Variants in DEPDC5 observed in about 807,000 individuals in gnomAD.
DEPDC5 encodes DEP domain containing 5, GATOR1 subcomplex subunit.
In DEPDC5, 73 loss-of-function variants were observed where a neutral mutation model predicts 217.3. The observed-to-expected ratio is 0.34, with a 90% CI of 0.28 to 0.41. The LOEUF is 0.41. Ranked by LOEUF, DEPDC5 falls within the 10% of genes least tolerant of loss-of-function variation. The probability of loss-of-function intolerance (pLI) is 1.00; values close to 1 mark genes in which losing one functional copy is unlikely to be tolerated. For synonymous variants in DEPDC5, 733 were observed against 756.7 expected (o/e 0.97, Z 0.51); for missense variants, 1,675 against 2,070.1 (o/e 0.81, Z 3.70).
intron 9 of DEPDC5, 75 bp downstream of exon 9, chr22:31,784,060 C>T: frequency 8.7e-7 from 1 of 1,153,844 alleles, no homozygotes; most frequent in Non-Finnish European, 1.3e-6. Flanking sequence ...TTCATGAATG[C>T]CCAGGGTCCC....
At chr22:31,887,216 C>T (rs1450633796) in intron 38 of DEPDC5, among the ~76,000 whole-genome samples, 1 of 150,104 alleles carries the variant, frequency 6.7e-6, no homozygotes, top group Admixed American at 6.6e-5. Flanking sequence ...GTCAGGATTT[C>T]GAGACCAGCC....
At chr22:31,870,821 T>C in intron 34 of DEPDC5, 77 bp downstream of exon 34, 1 of 1,409,306 alleles carries the variant, frequency 7.1e-7, no homozygotes, top group Non-Finnish European at 9.3e-7. Flanking sequence ...GAGGCTGAAG[T>C]CCAAAGCTCT....
intron 34 of DEPDC5, among the ~76,000 whole-genome samples, chr22:31,871,894 C>A (rs938205885): frequency 6.6e-6 from 1 of 152,176 alleles, no homozygotes; most frequent in Non-Finnish European, 1.5e-5. Context: ...AGTTCTTTGC[C>A]ATTGAAGATG....
chr22:31,876,462 T>G (rs2092994572), intron 37 of DEPDC5, among the ~76,000 whole-genome samples, 197 bp downstream of exon 37: 1 of 152,218 alleles, frequency 6.6e-6, no homozygotes, highest in Non-Finnish European at 1.5e-5. Context: ...TACAGTGTGT[T>G]CTTGGTGAGA....
Position 31,792,085 on chromosome 22 carries a change from A to G in DEPDC5, c.677A>G (p.Tyr226Cys), listed in dbSNP as rs769626907. Residue 226 changes from tyrosine to cysteine, a missense_variant, in exon 11 of 43, where the codon TAT becomes TGT. Tyr to Cys is a radical substitution (Grantham distance 194). Around this residue, in one of 11 missense-constraint regions of DEPDC5, gnomAD observed 628 missense variants for 762.1 expected, o/e 0.82. Transcript: ENST00000651528. ...GTGGTCCTGTTTTCTAGAACTTTCT[A>G]TGATGCAAAATCTGTTGGTGAGTAA... is the stretch of plus-strand genomic sequence containing the variant. ...VTVVLFSRTF[Y>C]DAKSVDEFPE... 1.9e-6 allele frequency: 3 copies of G among 1,612,040 alleles called. No homozygotes were observed. Among genetic ancestry groups the G allele is most frequent in the South Asian group, 1.1e-5 (1 of 91,038 alleles).
intron 31 of DEPDC5, among the ~76,000 whole-genome samples, chr22:31,850,328 A>G (rs1402897135): frequency 1.3e-5 from 2 of 152,128 alleles, no homozygotes; most frequent in Non-Finnish European, 2.9e-5. Context: ...CAGTTACCCA[A>G]GGTCAACTGT....
At chr22:31,872,287 T>C (rs1231383160) in intron 34 of DEPDC5, among the ~76,000 whole-genome samples, 1 of 152,242 alleles carries the variant, frequency 6.6e-6, no homozygotes, top group Non-Finnish European at 1.5e-5. Flanking sequence ...CTGGTACTTC[T>C]GGCTCTTTGA....
intron 29 of DEPDC5, chr22:31,844,702 CTTTTTTTTTTTTTTTT>C (rs136860): frequency 7.7e-6 from 1 of 130,418 alleles, no homozygotes; most frequent in South Asian, 8.1e-5. Flanking sequence ...CTTCAGAGCT[CTTTTTTTTTTTTTTTT>C]TTTTTTTTTT....
chr22:31,821,774 T>G (rs2148823387), intron 23 of DEPDC5, 137 bp downstream of exon 23: 1 of 1,259,652 alleles, frequency 7.9e-7, no homozygotes, highest in East Asian at 2.4e-5. Flanking sequence ...CCTTCCTTTG[T>G]TGGCCAGTGG....
intron 40 of DEPDC5, among the ~76,000 whole-genome samples, chr22:31,901,310 T>C (rs5998168): frequency 0.35 from 52,595 of 151,726 alleles, 10,524 homozygotes; most frequent in African/African-American, 0.56. Flanking sequence ...ACTTGGGAGA[T>C]TAAGGTAGGA....
chr22:31,810,412 T>A, intron 19 of DEPDC5, 109 bp from the exon 20 acceptor site: 1 of 1,519,464 alleles, frequency 6.6e-7, no homozygotes, highest in Non-Finnish European at 8.9e-7. Context: ...TCTGAAGGCC[T>A]CTGTTTGAAA....
rs2088865492 is a variant in DEPDC5 at position 31,814,743 on chromosome 22, C to A, written c.1446-249C>A. ...GGGATTAGGTGGGGTCAGCCTGGAG[C>A]AGTCCTTTCTTTACAACTATGATCC... is the stretch of plus-strand genomic sequence containing the variant. On this transcript the variant is annotated intron_variant, in intron 20 of 42. Coordinates refer to ENST00000651528, the MANE Select transcript of DEPDC5 (RefSeq NM_001242896.3). 9.5e-6 allele frequency: 5 copies of A among 525,630 alleles called. No homozygotes were observed. In the East Asian group the frequency reaches 1.3e-4, roughly 14 times the overall value. 32.6% of individuals were successfully genotyped at this position (525,630 alleles called of 1,614,324 possible). A position where few individuals can be genotyped will look rare whatever the true frequency, so the allele number is the denominator to read the frequency against.
chr22:31,822,879 T>C lies in DEPDC5; in HGVS notation c.2104+89T>C, dbSNP rs2089832372. 4.5e-6 allele frequency: 6 copies of C among 1,339,630 alleles called. No individual in the cohort carries two copies. In the Admixed American group the frequency reaches 6.0e-5, roughly 13 times the overall value. 83.0% of individuals were successfully genotyped at this position (1,339,630 alleles called of 1,614,324 possible). ...CAAGGGCCAGAAAAGCAGGGCCATG[T>C]CTATTTTGAGATCATTTCAGCCACA... On this transcript the variant is annotated intron_variant, in intron 24 of 42. Coordinates refer to ENST00000651528, the MANE Select transcript of DEPDC5 (RefSeq NM_001242896.3).
At chr22:31,784,127 G>A (rs541137266) in intron 9 of DEPDC5, 142 bp downstream of exon 9, 7 of 673,332 alleles carry the variant, frequency 1.0e-5, no homozygotes, top group African/African-American at 7.4e-5. Context: ...ATATTTGGAG[G>A]TTAGAGTGTT....
At position 31,906,498 on chromosome 22, in the gene DEPDC5, G is replaced by A. The variant is rs758244656; in HGVS notation, c.*1G>A. 2.5e-6 allele frequency: 4 copies of A among 1,578,796 alleles called. No individual in the cohort carries two copies. Among genetic ancestry groups the A allele is most frequent in the Non-Finnish European group, 3.5e-6 (4 of 1,151,320 alleles). On this transcript the variant is annotated 3_prime_UTR_variant, in exon 43 of 43. Coordinates refer to ENST00000651528, the MANE Select transcript of DEPDC5 (RefSeq NM_001242896.3). This position sits in a 1 kb window ranked among gnomAD's most constrained non-coding sequence, Gnocchi z 5.1. Reference sequence around the variant, plus strand: ...GAAGATGCATGCCAGTGCCCCGTGAGGCCAGGCTGCACCTGTGCTGGGGGA... The same window carrying A: ...GAAGATGCATGCCAGTGCCCCGTGAAGCCAGGCTGCACCTGTGCTGGGGGA...
chr22:31,802,631 A>C, intron 14 of DEPDC5, 73 bp from the exon 15 acceptor site: 311 of 1,385,336 alleles, frequency 2.2e-4, no homozygotes, highest in Non-Finnish European at 2.7e-4. Flanking sequence ...CTGAGAGTGT[A>C]GAGATGCTTG....
intron 38 of DEPDC5, among the ~76,000 whole-genome samples, chr22:31,887,502 G>A (rs1489371328): frequency 6.6e-6 from 1 of 151,264 alleles, no homozygotes; most frequent in East Asian, 1.9e-4. Flanking sequence ...TATGTCCATA[G>A]CAGGTAGTTT....
intron 2 of DEPDC5, chr22:31,757,179 CAT>C (rs2082002656): frequency 6.6e-6 from 1 of 151,986 alleles, no homozygotes; most frequent in Admixed American, 6.6e-5. Flanking sequence ...TCAGTGGAAA[CAT>C]AGCAAATAAA....
chr22:31,868,553 A>G (rs1335805809), intron 33 of DEPDC5, among the ~76,000 whole-genome samples: 2 of 152,112 alleles, frequency 1.3e-5, no homozygotes. Flanking sequence ...CACTCTCCCA[A>G]GTAGCTGGGA....
Sources: gnomAD v4.1 joint callset for allele counts (sites outside exome capture counted in the v4.1 genomes callset) on GRCh38, gnomAD v4.1.1 for gene constraint, gnomAD v4.1.1 regional missense constraint, Gnocchi (gnomAD v3.1) non-coding constraint, MANE v1.5 for transcripts, NCBI Gene and HGNC (gene_info 2026-07-23, HGNC 2026-07-21) for gene names.